The following OMA1 variants were observed in gnomAD, a reference collection of about 807,000 sequenced individuals.
The protein encoded by OMA1 is metalloendopeptidase OMA1, mitochondrial.
Under a neutral mutation model 30.9 loss-of-function variants are expected in OMA1, and 38 were observed. The observed-to-expected ratio is 1.23, with a 90% CI of 0.95 to 1.61. OMA1 has a LOEUF of 1.61. Among genes scored for constraint, OMA1 ranks in the 40% most tolerant of loss-of-function variants. The pLI, the probability that OMA1 is intolerant of heterozygous loss-of-function variation, is 0.00. For missense variants in OMA1, 461 were observed against 349.2 expected, an observed-to-expected ratio of 1.32 and a Z score of -2.55; for synonymous variants, 173 against 121.9, an observed-to-expected ratio of 1.42 and a Z score of -2.76.
intron 7 of OMA1, among the ~76,000 whole-genome samples, chr1:58,507,774 A>C (rs1223093264): frequency 6.6e-6 from 1 of 152,130 alleles, no homozygotes; most frequent in Non-Finnish European, 1.5e-5. Context: ...CACCCAGAGG[A>C]CTATGCCCCT....
chr1:58,483,154 C>T (rs1250852946), intron 8 of OMA1, among the ~76,000 whole-genome samples: 1 of 152,296 alleles, frequency 6.6e-6, no homozygotes, highest in African/African-American at 2.4e-5. Context: ...TTGCCACTAG[C>T]CTGCCATCTG....
chr1:58,490,947 A>G (rs1221874457), intron 8 of OMA1, among the ~76,000 whole-genome samples: 2 of 151,372 alleles, frequency 1.3e-5, no homozygotes, highest in African/African-American at 2.4e-5. Context: ...CTGGGACTAC[A>G]GGCACCCGCT....
chr1:58,521,355 A>T (rs986227658), intron 7 of OMA1, among the ~76,000 whole-genome samples: 9 of 152,006 alleles, frequency 5.9e-5, no homozygotes, highest in African/African-American at 2.2e-4. Context: ...AAAATAAATG[A>T]TAGTAGTATT....
At chr1:58,518,535 C>T (rs1317715222) in intron 7 of OMA1, among the ~76,000 whole-genome samples, 1 of 151,624 alleles carries the variant, frequency 6.6e-6, no homozygotes, top group Non-Finnish European at 1.5e-5. Flanking sequence ...GATGCTAGTA[C>T]TGGAGATGGG....
intron 7 of OMA1, among the ~76,000 whole-genome samples, chr1:58,514,160 T>G (rs1293345254): frequency 6.6e-6 from 1 of 152,272 alleles, no homozygotes; most frequent in Non-Finnish European, 1.5e-5. Flanking sequence ...AGTGATGATG[T>G]CATGAATTTA....
At position 58,532,407 on chromosome 1, in the gene OMA1, C is replaced by T. The variant is rs571344501; in HGVS notation, c.1011+1546G>A. ...ACTGAATAGTAACACCTTTCAAATG[C>T]TAAAATGGCCAAAACTGATTTTGCA... On this transcript the variant is annotated intron_variant, in intron 5 of 8. Transcript: ENST00000371226. Among the ~76,000 whole-genome samples, 9 of 152,294 alleles carry T rather than the reference C, an allele frequency of 5.9e-5. No individual in the cohort carries two copies. The East Asian group carries it at 1.7e-3, about 29-fold the overall frequency.
chr1:58,490,811 T>C (rs1019895112), intron 8 of OMA1, among the ~76,000 whole-genome samples: 1 of 130,318 alleles, frequency 7.7e-6, no homozygotes, highest in African/African-American at 2.9e-5. Context: ...TTTTTTTTTT[T>C]TTTTTTTTTT....
chr1:58,544,740 T>A (rs1646674273), intron 1 of OMA1, among the ~76,000 whole-genome samples: 2 of 152,104 alleles, frequency 1.3e-5, no homozygotes, highest in African/African-American at 4.8e-5. Flanking sequence ...ATTACAAGCA[T>A]GCATTACCAC....
intron 2 of OMA1, among the ~76,000 whole-genome samples, 176 bp from the exon 3 acceptor site, chr1:58,536,917 T>A (rs1159436588): frequency 6.6e-6 from 1 of 152,138 alleles, no homozygotes; most frequent in African/African-American, 2.4e-5. Context: ...GAAAAAATAA[T>A]CAATGATGTA....
chr1:58,513,712 G>A (rs944695732), intron 7 of OMA1, among the ~76,000 whole-genome samples: 4 of 152,262 alleles, frequency 2.6e-5, no homozygotes, highest in South Asian at 2.1e-4. Flanking sequence ...TCACTTATAT[G>A]ACACCACATG....
At chr1:58,525,357 C>A (rs56065191) in intron 7 of OMA1, among the ~76,000 whole-genome samples, 7,264 of 152,022 alleles carry the variant, frequency 0.048, 218 homozygotes, top group African/African-American at 0.062. Flanking sequence ...ACATGCTGTT[C>A]AAGAGTCAAC....
intron 1 of OMA1, among the ~76,000 whole-genome samples, chr1:58,543,582 A>G (rs1646655167): frequency 6.6e-6 from 1 of 152,198 alleles, no homozygotes; most frequent in South Asian, 2.1e-4. Context: ...CTAGAGCTAA[A>G]GCATTATTTC....
chr1:58,494,181 T>C (rs965164933), intron 8 of OMA1, among the ~76,000 whole-genome samples: 9 of 152,334 alleles, frequency 5.9e-5, no homozygotes, highest in African/African-American at 1.9e-4. Context: ...GATTCCCTCT[T>C]TAATAAATGG....
intron 1 of OMA1, chr1:58,541,614 CAAAAAAAAAAAAAAAA>C (rs60360589): frequency 3.0e-5 from 2 of 65,622 alleles, no homozygotes; most frequent in South Asian, 1.5e-3. Context: ...GAGAACCTGT[CAAAAAAAAAAAAAAAA>C]AAAAAAAAAA....
At chr1:58,532,132 C>A (rs1646443521) in intron 5 of OMA1, among the ~76,000 whole-genome samples, 1 of 152,144 alleles carries the variant, frequency 6.6e-6, no homozygotes, top group Non-Finnish European at 1.5e-5. Context: ...TGGAAATACA[C>A]ACACAAAAAC....
chr1:58,542,030 A>G (rs892468314), intron 1 of OMA1, among the ~76,000 whole-genome samples: 1 of 152,240 alleles, frequency 6.6e-6, no homozygotes, highest in African/African-American at 2.4e-5. Flanking sequence ...CAGTTTTAAT[A>G]GTATTATCTA....
chr1:58,539,366 G>T, intron 1 of OMA1, 56 bp from the exon 2 acceptor site: 1 of 715,438 alleles, frequency 1.4e-6, no homozygotes. Context: ...TACCAAACTG[G>T]GACTATAACA....
At chr1:58,503,051 T>C (rs1398627691) in intron 8 of OMA1, among the ~76,000 whole-genome samples, 3 of 152,246 alleles carry the variant, frequency 2.0e-5, no homozygotes, top group Non-Finnish European at 2.9e-5. Flanking sequence ...GCACAGTTTT[T>C]ACCTCTCCGA....
chr1:58,490,637 T>C (rs1645664623), intron 8 of OMA1, among the ~76,000 whole-genome samples: 2 of 151,786 alleles, frequency 1.3e-5, no homozygotes, highest in East Asian at 1.9e-4. Context: ...AGACACATAA[T>C]TGTCAGATTC....
Sources: allele counts gnomAD v4.1 joint callset (sites outside exome capture counted in the v4.1 genomes callset), GRCh38; gene constraint gnomAD v4.1.1; transcripts MANE v1.5; gene names NCBI Gene and HGNC (gene_info 2026-07-23, HGNC 2026-07-21).